The following FHIP2A variants were observed in gnomAD, a reference collection of about 807,000 sequenced individuals.
The protein encoded by FHIP2A is family with sequence similarity 160 member B1.
A neutral mutation model predicts 93.5 loss-of-function variants in FHIP2A; 46 were observed. The ratio of observed to expected loss-of-function variants is 0.49; its 90% confidence interval spans 0.39 to 0.63. The LOEUF is 0.63. Among genes scored for constraint, FHIP2A ranks in the 20% least tolerant of loss-of-function variants. The pLI, the probability that FHIP2A is intolerant of heterozygous loss-of-function variation, is 0.00. For synonymous variants in FHIP2A, 332 were observed against 326.5 expected, an observed-to-expected ratio of 1.02 and a Z score of -0.18; for missense variants, 769 against 909.7, an observed-to-expected ratio of 0.85 and a Z score of 1.99.
At chr10:114,896,490 GGC>G (rs2084002095) in intron 16 of FHIP2A, among the ~76,000 whole-genome samples, 1 of 152,124 alleles carries the variant, frequency 6.6e-6, no homozygotes, top group Admixed American at 6.5e-5. Context: ...AACTGCTTAG[GGC>G]CCACAGGCCT....
chr10:114,843,882 C>G lies in FHIP2A; in HGVS notation c.958C>G (p.Leu320Val), dbSNP rs1592018802. The part of the protein sequence containing the change: ...TDRLASLYKA[L>V]PQSVDPLDIE... ...CAGACTTGCCTCCCTGTACAAGGCC[C>G]TACCTCAGTCAGTGGATCCGTTAGA... Residue 320 changes from leucine to valine, a missense_variant, in exon 7 of 17, where the codon CTA becomes GTA. Leu to Val is a conservative substitution (Grantham distance 32, BLOSUM62 1). Coordinates refer to ENST00000369248, the MANE Select transcript of FHIP2A (RefSeq NM_020940.4). The G allele has an allele frequency of 2.5e-6, 4 of 1,602,324 alleles. No homozygotes were observed. The highest frequency in any genetic ancestry group is 3.4e-6 in the Non-Finnish European group (4 of 1,177,312).
chr10:114,869,643 A>G (rs959584966), downstream of FHIP2A, among the ~76,000 whole-genome samples: 2 of 152,220 alleles, frequency 1.3e-5, no homozygotes, highest in Admixed American at 1.3e-4. Flanking sequence ...TACATTTTCC[A>G]TAAAATGATC....
At chr10:114,826,908 C>T (rs1332255831) in intron 1 of FHIP2A, among the ~76,000 whole-genome samples, 1 of 152,100 alleles carries the variant, frequency 6.6e-6, no homozygotes, top group Non-Finnish European at 1.5e-5. Context: ...ACAGGAGAAT[C>T]GCTTGAATCC....
At chr10:114,873,440 G>T (rs1412825003) in intron 16 of FHIP2A, among the ~76,000 whole-genome samples, 1 of 152,162 alleles carries the variant, frequency 6.6e-6, no homozygotes, top group Non-Finnish European at 1.5e-5. Flanking sequence ...CCACTGTAAA[G>T]TTATTCTTTC....
At chr10:114,876,643 C>A (rs1259083701) in intron 16 of FHIP2A, among the ~76,000 whole-genome samples, 1 of 152,146 alleles carries the variant, frequency 6.6e-6, no homozygotes, top group Non-Finnish European at 1.5e-5. Context: ...ATGGGACCTG[C>A]CGGGAGCTTT....
At chr10:114,890,898 A>G (rs1022698146) in intron 16 of FHIP2A, among the ~76,000 whole-genome samples, 8 of 151,414 alleles carry the variant, frequency 5.3e-5, no homozygotes, top group Non-Finnish European at 1.2e-4. Context: ...GGTTTTTAAA[A>G]TATATGCATA....
At chr10:114,893,377 G>A (rs10885627) in intron 16 of FHIP2A, among the ~76,000 whole-genome samples, 91,977 of 152,064 alleles carry the variant, frequency 0.6, 28,827 homozygotes, top group African/African-American at 0.77. Context: ...TTCAGTGAAC[G>A]TGCTTTGACA....
intron 14 of FHIP2A, 54 bp from the exon 15 acceptor site, chr10:114,860,695 G>T: frequency 7.3e-7 from 1 of 1,375,778 alleles, no homozygotes; most frequent in Non-Finnish European, 1.0e-6. Context: ...AGTAAATTAA[G>T]CACACCGGTA....
chr10:114,859,367 C>T (rs1294968491), intron 14 of FHIP2A, among the ~76,000 whole-genome samples: 1 of 152,158 alleles, frequency 6.6e-6, no homozygotes, highest in Non-Finnish European at 1.5e-5. Context: ...CCACTGAATG[C>T]CAGAGATTGA....
chr10:114,885,710 A>T (rs1279594884), intron 16 of FHIP2A, among the ~76,000 whole-genome samples: 1 of 152,170 alleles, frequency 6.6e-6, no homozygotes, highest in Non-Finnish European at 1.5e-5. Context: ...ATTTACGTAG[A>T]TTGTATTGAT....
chr10:114,873,972 G>A (rs2143014419), intron 16 of FHIP2A, among the ~76,000 whole-genome samples: 1 of 151,936 alleles, frequency 6.6e-6, no homozygotes, highest in African/African-American at 2.4e-5. Context: ...ACAACCCTAA[G>A]TTCTGTAGCA....
At chr10:114,874,488 C>T (rs1295331794) in intron 16 of FHIP2A, among the ~76,000 whole-genome samples, 1 of 151,990 alleles carries the variant, frequency 6.6e-6, no homozygotes, top group Non-Finnish European at 1.5e-5. Flanking sequence ...AATTGTATAA[C>T]CTATTTTAGT....
intron 2 of FHIP2A, 136 bp from the exon 3 acceptor site, chr10:114,833,097 G>GTTTATAAACTTCACATTTAAATACAGT: frequency 1.6e-6 from 1 of 637,924 alleles, no homozygotes; most frequent in East Asian, 2.8e-5. Context: ...ATCATACTGT[G>GTTTATAAACTTCACATTTAAATACAGT]TTTATAAACC....
intron 14 of FHIP2A, among the ~76,000 whole-genome samples, chr10:114,858,979 A>AC (rs55847933): frequency 0.13 from 18,905 of 151,004 alleles, 1,302 homozygotes; most frequent in East Asian, 0.21. Flanking sequence ...TATCACATGG[A>AC]CCCCCCCCAA....
chr10:114,855,805 A>G (rs747308451), intron 14 of FHIP2A, among the ~76,000 whole-genome samples: 1 of 152,212 alleles, frequency 6.6e-6, no homozygotes, highest in Non-Finnish European at 1.5e-5. Context: ...ACTCATTTTC[A>G]TAAGGGAGAG....
rs1219178011 is a variant in FHIP2A, at chr10:114,847,132, A to G, written c.1611A>G (p.Glu537=). The change falls in exon 12 of 17, where the codon GAA becomes GAG. Residue 537 remains glutamate (E), a synonymous_variant. Transcript: ENST00000369248. ...CATTATTTACTGACATTTCACCAGA[A>G]AACACTTTGCCAAACCAAGAGTGGC... ...EDPLFTDISP[E]NTLPNQEWLS... is the part of the protein sequence containing the mutation. 6.2e-7 allele frequency: 1 copy of G among 1,613,308 alleles called. No individual in the cohort carries two copies. Among genetic ancestry groups the G allele is most frequent in the Admixed American group, 1.7e-5 (1 of 59,962 alleles).
At chr10:114,890,468 T>C (rs2143016073) in intron 16 of FHIP2A, among the ~76,000 whole-genome samples, 1 of 148,418 alleles carries the variant, frequency 6.7e-6, no homozygotes, top group South Asian at 2.1e-4. Context: ...TATTTGCATA[T>C]ATTATATATA....
chr10:114,873,065 A>G (rs1171090197), intron 16 of FHIP2A, among the ~76,000 whole-genome samples: 1 of 152,228 alleles, frequency 6.6e-6, no homozygotes, highest in African/African-American at 2.4e-5. Flanking sequence ...TGGAGGATTC[A>G]AAGGAAAGGA....
intron 16 of FHIP2A, among the ~76,000 whole-genome samples, chr10:114,888,096 G>A (rs753796429): frequency 1.3e-5 from 2 of 152,156 alleles, no homozygotes; most frequent in Admixed American, 6.5e-5. Flanking sequence ...TCTGCTGGAC[G>A]ACTCTGCTTC....
Sources: allele counts gnomAD v4.1 joint callset (sites outside exome capture counted in the v4.1 genomes callset), GRCh38; gene constraint gnomAD v4.1.1; transcripts MANE v1.5; gene names NCBI Gene and HGNC (gene_info 2026-07-23, HGNC 2026-07-21).